TMEM40: variants seen among roughly 807,000 people sequenced by gnomAD.
The protein encoded by TMEM40 is transmembrane protein 40.
TMEM40 carries 34 observed loss-of-function variants against 40.8 expected under a neutral mutation model. The ratio of observed to expected loss-of-function variants is 0.83; its 90% CI spans 0.63 to 1.11. The LOEUF (loss-of-function observed/expected upper bound fraction) is 1.11, where lower values mean the gene tolerates loss of function less well. Ranked by LOEUF, TMEM40 falls within the 50% of genes least tolerant of loss-of-function variation. TMEM40 has a pLI of 0.00. For synonymous variants in TMEM40, 106 were observed against 107.0 expected (o/e 0.99, Z 0.06); for missense variants, 296 against 280.2 (o/e 1.06, Z -0.40).
At position 12,742,529 on chromosome 3, in the gene TMEM40, A is replaced by C. The variant is rs747889862; in HGVS notation, c.302-22T>G. 5.6e-6 allele frequency: 9 copies of C among 1,613,252 alleles called. No homozygotes were observed. The East Asian group carries it at 6.7e-5, about 12-fold the overall frequency. On this transcript the variant is annotated intron_variant, in intron 4 of 11. Coordinates refer to ENST00000314124, the MANE Select transcript of TMEM40 (RefSeq NM_018306.4). ...GGACCTGGATGGAGACAAACCCCTTAGTCAGCACTCCCCAAACACAGTGAT... is the reference window on the plus strand; with the variant it reads ...GGACCTGGATGGAGACAAACCCCTTCGTCAGCACTCCCCAAACACAGTGAT...
At chr3:12,741,606 C>A (rs1395918419) in intron 5 of TMEM40, among the ~76,000 whole-genome samples, 1 of 152,102 alleles carries the variant, frequency 6.6e-6, no homozygotes, top group Non-Finnish European at 1.5e-5. Context: ...GTGAATGTAT[C>A]TACATTTTCT....
At chr3:12,757,847 G>A (rs2061540662) in intron 1 of TMEM40, among the ~76,000 whole-genome samples, 1 of 152,132 alleles carries the variant, frequency 6.6e-6, no homozygotes, top group Admixed American at 6.5e-5. Flanking sequence ...AATTACAGGT[G>A]CGCATCACCA....
Position 12,735,508 on chromosome 3 carries a change from C to G in TMEM40, c.682+47G>C, listed in dbSNP as rs557549358. The G allele has an allele frequency of 1.3e-5, 21 of 1,580,338 alleles. No homozygotes were observed. The East Asian group carries it at 4.5e-4, about 34-fold the overall frequency. ...GCTAAGCCTCTTTCTAAATGAAGAC[C>G]CTGCTAGGGAGAAAATGAGTGAACA... is the stretch of plus-strand genomic sequence containing the variant. On this transcript the variant is annotated intron_variant, in intron 11 of 11. Transcript: ENST00000314124.
At chr3:12,749,662 T>G in intron 2 of TMEM40, 98 bp downstream of exon 2, 1 of 1,053,808 alleles carries the variant, frequency 9.5e-7, no homozygotes, top group Non-Finnish European at 1.4e-6. Context: ...TGAGGCCCTG[T>G]GCAACGTGAG....
chr3:12,768,522 T>C (rs1575750434), intron 1 of TMEM40, among the ~76,000 whole-genome samples: 2 of 152,198 alleles, frequency 1.3e-5, no homozygotes, highest in East Asian at 3.9e-4. Context: ...TAGCTAGACA[T>C]AAAGATTCTC....
chr3:12,769,221 C>A, intron 1 of TMEM40: 2 of 392,136 alleles, frequency 5.1e-6, no homozygotes, highest in Non-Finnish European at 5.3e-6. Context: ...CGTGCAGCCC[C>A]GGTTCCCGCC....
At position 12,768,568 on chromosome 3, in the gene TMEM40, G is replaced by C. The variant is rs540551073; in HGVS notation, c.-9+683C>G. On this transcript the variant is annotated intron_variant, in intron 1 of 11. Transcript: ENST00000264728. ...CCAGATTAGCTAGATACAGAGTGCC[G>C]ACTGGTGCATCCACAAACCCTGAGC... Among the ~76,000 whole-genome samples, 25 of 152,160 alleles carry C rather than the reference G, an allele frequency of 1.6e-4. No homozygotes were observed. The South Asian group carries it at 2.9e-3, about 18-fold the overall frequency.
In TMEM40 at chr3:12,734,648, G is replaced by A. The variant is rs1214172689; in HGVS notation, c.*126C>T. On this transcript the variant is annotated 3_prime_UTR_variant, in exon 12 of 12. Transcript: ENST00000314124. ...ATTCAGACCACATGGAAGGAAAAGT[G>A]TTCTGTTTATTGGTCTGGCTTGGTC... The A allele has an allele frequency of 4.5e-6, 5 of 1,115,476 alleles. No individual in the cohort carries two copies. Among genetic ancestry groups the A allele is most frequent in the Non-Finnish European group, 5.2e-6 (4 of 772,320 alleles). The allele number at this position is 1,115,476 out of a possible 1,614,324, so 69.1% of individuals were successfully genotyped here.
intron 1 of TMEM40, among the ~76,000 whole-genome samples, chr3:12,766,393 A>G (rs1238289006): frequency 6.6e-6 from 1 of 152,060 alleles, no homozygotes; most frequent in African/African-American, 2.4e-5. Context: ...CAGGAGATCG[A>G]GACCATCCTG....
At chr3:12,769,265 A>G (rs1192138432) in exon 1 of TMEM40, 1 of 412,622 alleles carries the variant, frequency 2.4e-6, no homozygotes, top group Non-Finnish European at 5.0e-6. Flanking sequence ...CGGAAGGCTG[A>G]GGGAGCCGGC....
intron 10 of TMEM40, among the ~76,000 whole-genome samples, chr3:12,735,967 T>C (rs2061334402): frequency 6.6e-6 from 1 of 152,080 alleles, no homozygotes; most frequent in African/African-American, 2.4e-5. Flanking sequence ...GCTCAAGCAA[T>C]CCTCTTGCCC....
At chr3:12,738,235 T>TG in intron 6 of TMEM40, 67 bp from the exon 7 acceptor site, 1 of 1,567,190 alleles carries the variant, frequency 6.4e-7, no homozygotes, top group Non-Finnish European at 8.8e-7. Context: ...GCCTCCACCC[T>TG]GGGGAAGGCT....
rs1349864418 is a variant in TMEM40, at chr3:12,759,240, A to C, written c.-58T>G. 1 of 152,326 alleles carries C rather than the reference A, an allele frequency of 6.6e-6. No individual in the cohort carries two copies. The highest frequency in any genetic ancestry group is 1.5e-5 in the Non-Finnish European group (1 of 68,258). 9.4% of individuals were successfully genotyped at this position (152,326 alleles called of 1,614,324 possible). A position where few individuals can be genotyped will look rare whatever the true frequency, so the allele number is the denominator to read the frequency against. ...CAGCAAGGGGAGCTCTGTGTAGACT[A>C]TGTGGATGCTGGGCTGGTCAGGGGA... is the stretch of plus-strand genomic sequence containing the variant. On this transcript the variant is annotated 5_prime_UTR_variant, in exon 1 of 12. Coordinates refer to ENST00000314124, the MANE Select transcript of TMEM40 (RefSeq NM_018306.4).
intron 1 of TMEM40, among the ~76,000 whole-genome samples, chr3:12,755,031 C>T (rs907666578): frequency 5.8e-5 from 8 of 138,730 alleles, no homozygotes; most frequent in Non-Finnish European, 1.1e-4. Context: ...CTTCCCCCTC[C>T]CTCCCTCCTT....
upstream of TMEM40, among the ~76,000 whole-genome samples, chr3:12,762,911 C>A (rs189894841): frequency 2.2e-4 from 33 of 152,134 alleles, no homozygotes; most frequent in Non-Finnish European, 3.8e-4. Flanking sequence ...CACCTGTAAT[C>A]CCAGCACTTT....
At chr3:12,742,696 CCAGAGGTGACCACACT>C (rs1330642349) in intron 4 of TMEM40, among the ~76,000 whole-genome samples, 189 bp from the exon 5 acceptor site, 1 of 152,164 alleles carries the variant, frequency 6.6e-6, no homozygotes, top group Non-Finnish European at 1.5e-5. Context: ...CCCAGAACTT[CCAGAGGTGACCACACT>C]CAGAAAGCAC....
chr3:12,737,222 A>G (rs1228148393), intron 8 of TMEM40, among the ~76,000 whole-genome samples: 1 of 145,728 alleles, frequency 6.9e-6, no homozygotes, highest in East Asian at 2.0e-4. Flanking sequence ...CTCTGTGTGG[A>G]GCACCATGGT....
chr3:12,768,721 C>G (rs916011038), intron 1 of TMEM40, among the ~76,000 whole-genome samples: 4 of 152,192 alleles, frequency 2.6e-5, no homozygotes, highest in African/African-American at 9.6e-5. Context: ...ACGAGCCCAG[C>G]TGGCTTCACC....
intron 1 of TMEM40, among the ~76,000 whole-genome samples, chr3:12,756,098 G>C (rs1419625784): frequency 6.6e-6 from 1 of 152,092 alleles, no homozygotes; most frequent in Non-Finnish European, 1.5e-5. Context: ...GTGTATTTGA[G>C]TTCCTGAAAT....
Sources: gnomAD v4.1 joint callset for allele counts (sites outside exome capture counted in the v4.1 genomes callset) on GRCh38, gnomAD v4.1.1 for gene constraint, MANE v1.5 for transcripts, NCBI Gene and HGNC (gene_info 2026-07-23, HGNC 2026-07-21) for gene names.